The following AP3M2 variants were observed in gnomAD, a reference collection of about 807,000 sequenced individuals.
The protein encoded by AP3M2 is adaptor related protein complex 3 subunit mu 2.
A neutral mutation model predicts 41.6 loss-of-function variants in AP3M2; 28 were observed. The observed-to-expected ratio is 0.67, with a 90% confidence interval of 0.50 to 0.92. AP3M2 has a LOEUF of 0.92. Among genes scored for constraint, AP3M2 ranks in the 40% least tolerant of loss-of-function variants. The probability of loss-of-function intolerance (pLI) is 0.00; values close to 1 mark genes in which losing one functional copy is unlikely to be tolerated. For missense variants in AP3M2, 427 were observed against 521.4 expected, an observed-to-expected ratio of 0.82 and a Z score of 1.76; for synonymous variants, 193 against 186.4, an observed-to-expected ratio of 1.04 and a Z score of -0.29.
intron 1 of AP3M2, 158 bp from the exon 2 acceptor site, chr8:42,154,458 A>T: frequency 1.8e-6 from 1 of 541,068 alleles, no homozygotes; most frequent in Non-Finnish European, 3.2e-6. Flanking sequence ...ATGACTGATC[A>T]TTATCGTTTC....
At chr8:42,162,943 CAAAAAAAAAAAAAAAA>C (rs67923954) in intron 4 of AP3M2, among the ~76,000 whole-genome samples, 3 of 54,214 alleles carry the variant, frequency 5.5e-5, no homozygotes, top group African/African-American at 2.7e-4. Context: ...GACCCTGTCT[CAAAAAAAAAAAAAAAA>C]AAAAAAAAAA....
chr8:42,166,401 G>A (rs573277404), intron 6 of AP3M2, among the ~76,000 whole-genome samples: 10 of 151,920 alleles, frequency 6.6e-5, no homozygotes, highest in African/African-American at 1.7e-4. Context: ...ATTACTTCAG[G>A]GTTATTCCGT....
chr8:42,156,869 T>C lies in AP3M2; in HGVS notation c.274-1072T>C, dbSNP rs569702269. On this transcript the variant is annotated intron_variant, in intron 2 of 8. Coordinates refer to ENST00000396926, the MANE Select transcript of AP3M2 (RefSeq NM_006803.4). ...AGTGTGGCCCTGAGAAGAAAAAAACTGAGGTGAAAACTCGTAGTTTTCAGA... is the reference window on the plus strand; with the variant it reads ...AGTGTGGCCCTGAGAAGAAAAAAACCGAGGTGAAAACTCGTAGTTTTCAGA... 6.6e-5 allele frequency among the ~76,000 whole-genome samples: 10 copies of C among 152,182 alleles called. No homozygotes were observed. In the South Asian group the frequency reaches 1.5e-3, roughly 22 times the overall value.
chr8:42,155,083 C>T (rs1804322102), intron 2 of AP3M2, 123 bp downstream of exon 2: 1 of 775,096 alleles, frequency 1.3e-6, no homozygotes, highest in Non-Finnish European at 2.1e-6. Context: ...GTATTACTCA[C>T]TTCCTCTCCC....
intron 2 of AP3M2, among the ~76,000 whole-genome samples, chr8:42,157,275 A>G (rs773032581): frequency 2.0e-5 from 3 of 152,264 alleles, no homozygotes; most frequent in Non-Finnish European, 4.4e-5. Flanking sequence ...TTATACCATT[A>G]AAGAATCAAG....
In AP3M2 at chr8:42,169,524, AAG is replaced by A. The variant is rs1804737403; in HGVS notation, c.*465_*466del. On this transcript the variant is annotated 3_prime_UTR_variant, in exon 9 of 9. Coordinates refer to ENST00000396926, the MANE Select transcript of AP3M2 (RefSeq NM_006803.4). Reference sequence around the variant, plus strand: ...TCTATGAAGGAGAAGAAAGAGGAAAAAGAAGTAAAGGAGTTAGGAGGAGACAC... The same window carrying A: ...TCTATGAAGGAGAAGAAAGAGGAAAAAAGTAAAGGAGTTAGGAGGAGACAC... 2 of 152,400 alleles carry A rather than the reference AAG, an allele frequency of 1.3e-5. No homozygotes were observed. Among genetic ancestry groups the A allele is most frequent in the Admixed American group, 1.3e-4 (2 of 15,270 alleles). 9.4% of individuals were successfully genotyped at this position (152,400 alleles called of 1,614,324 possible). A position where few individuals can be genotyped will look rare whatever the true frequency, so the allele number is the denominator to read the frequency against.
At chr8:42,154,535 G>C in intron 1 of AP3M2, 81 bp from the exon 2 acceptor site, 3 of 1,104,858 alleles carry the variant, frequency 2.7e-6, no homozygotes, top group Non-Finnish European at 3.8e-6. Flanking sequence ...CTTGAAAGAT[G>C]GGTAAGTCTT....
chr8:42,158,820 G>A (rs1314359043), intron 3 of AP3M2, among the ~76,000 whole-genome samples: 5 of 148,702 alleles, frequency 3.4e-5, no homozygotes, highest in Non-Finnish European at 5.9e-5. Flanking sequence ...TTGAGATGGC[G>A]TCTTGCTCTG....
At chr8:42,162,504 C>T (rs1352281639) in intron 4 of AP3M2, 86 bp downstream of exon 4, 5 of 1,454,194 alleles carry the variant, frequency 3.4e-6, no homozygotes, top group Non-Finnish European at 3.7e-6. Context: ...AATTAACCCC[C>T]ATTCAAGGTC....
Position 42,165,165 on chromosome 8 carries a change from C to A in AP3M2, c.669+9C>A. On this transcript the variant is annotated intron_variant, in intron 5 of 8. Coordinates refer to ENST00000396926, the MANE Select transcript of AP3M2 (RefSeq NM_006803.4). Reference sequence around the variant, plus strand: ...TTACACTTTCCTTCATGGTAAAATCCTGGGCCAGAGATTAAGTTCTTGGGA... The same window carrying A: ...TTACACTTTCCTTCATGGTAAAATCATGGGCCAGAGATTAAGTTCTTGGGA... 1 of 1,612,228 alleles carries A rather than the reference C, an allele frequency of 6.2e-7. No individual in the cohort carries two copies. The highest frequency in any genetic ancestry group is 1.1e-5 in the South Asian group (1 of 90,904).
chr8:42,162,423 G>A lies in AP3M2; in HGVS notation c.583+5G>A, dbSNP rs1479735991. The A allele has an allele frequency of 1.9e-6, 3 of 1,599,888 alleles. No homozygotes were observed. Among genetic ancestry groups the A allele is most frequent in the Non-Finnish European group, 2.6e-6 (3 of 1,173,434 alleles). On this transcript the variant is annotated splice_donor_5th_base_variant and intron_variant, in intron 4 of 8. Transcript: ENST00000396926. ...ATGCAATTATTGATAAATCAGGTAGGTGCTTTTAATATGTTCTCAGAAATA... is the reference window on the plus strand; with the variant it reads ...ATGCAATTATTGATAAATCAGGTAGATGCTTTTAATATGTTCTCAGAAATA...
intron 8 of AP3M2, 146 bp from the exon 9 acceptor site, chr8:42,168,815 G>T: frequency 3.6e-6 from 2 of 549,096 alleles, no homozygotes; most frequent in Non-Finnish European, 6.3e-6. Flanking sequence ...TCCCAAGACT[G>T]GAGAATCCAT....
At chr8:42,161,880 A>G (rs538313262) in intron 3 of AP3M2, among the ~76,000 whole-genome samples, 1 of 152,306 alleles carries the variant, frequency 6.6e-6, no homozygotes, top group Admixed American at 6.5e-5. Flanking sequence ...CCTACCATAA[A>G]TGTACCTAAG....
At chr8:42,158,246 A>AT in intron 3 of AP3M2, 134 bp downstream of exon 3, 5 of 641,384 alleles carry the variant, frequency 7.8e-6, no homozygotes, top group Non-Finnish European at 1.2e-5. Flanking sequence ...TGCTCTTTGT[A>AT]GTTGTTTTTT....
chr8:42,165,635 G>C (rs1006254476), intron 6 of AP3M2, 75 bp downstream of exon 6: 10 of 1,548,312 alleles, frequency 6.5e-6, no homozygotes, highest in Non-Finnish European at 8.8e-6. Context: ...TGGTGATTAA[G>C]AACTCAGGCT....
intron 4 of AP3M2, among the ~76,000 whole-genome samples, chr8:42,164,035 A>G (rs896909723): frequency 3.9e-5 from 6 of 152,138 alleles, no homozygotes; most frequent in African/African-American, 1.2e-4. Flanking sequence ...AATGGCCTGA[A>G]GTGGGGTGGG....
intron 4 of AP3M2, among the ~76,000 whole-genome samples, chr8:42,163,280 TAG>T (rs1321558849): frequency 6.6e-6 from 1 of 152,200 alleles, no homozygotes; most frequent in Non-Finnish European, 1.5e-5. Context: ...CTGGGCAACA[TAG>T]TGAGATCCTG....
Position 42,167,197 on chromosome 8 carries a change from C to T in AP3M2, c.837C>T (p.Asn279=). The change falls in exon 7 of 9, where the codon AAC becomes AAT. Residue 279 remains asparagine, a synonymous_variant. Coordinates refer to ENST00000396926, the MANE Select transcript of AP3M2 (RefSeq NM_006803.4). ...CAATCCCAGTGTATGTCAAACATAA[C>T]ATCAGTTTCCGGGACAGTAGTTCCC... The part of the protein sequence containing the change: ...LVAIPVYVKH[N]ISFRDSSSLG... The T allele has an allele frequency of 6.2e-7, 1 of 1,614,130 alleles. No homozygotes were observed. The highest frequency in any genetic ancestry group is 8.5e-7 in the Non-Finnish European group (1 of 1,180,018).
intron 6 of AP3M2, chr8:42,166,891 T>C: frequency 2.4e-6 from 1 of 423,940 alleles, no homozygotes; most frequent in South Asian, 2.9e-5. Context: ...TACATTTTTG[T>C]ACATTATGCC....
Sources: gnomAD v4.1 joint callset for allele counts (sites outside exome capture counted in the v4.1 genomes callset) on GRCh38, gnomAD v4.1.1 for gene constraint, MANE v1.5 for transcripts, NCBI Gene and HGNC (gene_info 2026-07-23, HGNC 2026-07-21) for gene names.